Variants in SMARCC1 observed in about 807,000 individuals in gnomAD.
SMARCC1 encodes the protein SWI/SNF complex subunit SMARCC1.
SMARCC1 carries 43 observed loss-of-function variants against 147.4 expected under a neutral mutation model. The ratio of observed to expected loss-of-function variants is 0.29; its 90% CI spans 0.23 to 0.38. The LOEUF is 0.38. SMARCC1 is among the 10% of genes least tolerant of loss of function. The pLI is 1.00. For synonymous variants in SMARCC1, 495 were observed against 484.4 expected, an observed-to-expected ratio of 1.02 and a Z score of -0.29; for missense variants, 1,119 against 1,381.1, an observed-to-expected ratio of 0.81 and a Z score of 3.01.
At chr3:47,685,747 C>G (rs1465285516) in intron 14 of SMARCC1, among the ~76,000 whole-genome samples, 1 of 152,022 alleles carries the variant, frequency 6.6e-6, no homozygotes, top group Non-Finnish European at 1.5e-5. Flanking sequence ...ATCCCAGCTA[C>G]TCAGGAGGCT....
At chr3:47,774,737 T>C (rs914818020) in intron 1 of SMARCC1, among the ~76,000 whole-genome samples, 6 of 151,968 alleles carry the variant, frequency 3.9e-5, no homozygotes, top group Non-Finnish European at 8.8e-5. Context: ...AACTACATAC[T>C]ACTTTCCCCT....
chr3:47,769,210 CAA>C lies in SMARCC1; in HGVS notation c.315+3605_315+3606del, dbSNP rs1553692338. 9.6e-3 allele frequency among the ~76,000 whole-genome samples: 318 copies of C among 33,090 alleles called. 4 individuals carry two copies. Among genetic ancestry groups the C allele is most frequent in the Middle Eastern group, 0.026 (1 of 38 alleles). 21.7% of individuals were successfully genotyped at this position (33,090 alleles called of 152,430 possible). A position where few individuals can be genotyped will look rare whatever the true frequency, so the allele number is the denominator to read the frequency against. On this transcript the variant is annotated intron_variant, in intron 2 of 27. Transcript: ENST00000254480. ...TGGATGACAGAGCGAGACTCCGTCT[CAA>C]AAAAAAAAAAAAAAAAAAAAAGGGC... is the stretch of plus-strand genomic sequence containing the variant.
At chr3:47,601,402 C>G (rs1176303746) in intron 26 of SMARCC1, among the ~76,000 whole-genome samples, 1 of 152,162 alleles carries the variant, frequency 6.6e-6, no homozygotes, top group Non-Finnish European at 1.5e-5. Flanking sequence ...CCATTTCTAA[C>G]TGTCTATAGC....
At chr3:47,745,470 T>C (rs1208226868) in intron 3 of SMARCC1, among the ~76,000 whole-genome samples, 2 of 152,094 alleles carry the variant, frequency 1.3e-5, no homozygotes, top group Admixed American at 6.6e-5. Context: ...CCCAGCACTT[T>C]GGGAGGCTGA....
intron 8 of SMARCC1, among the ~76,000 whole-genome samples, chr3:47,712,124 C>G (rs559429598): frequency 6.6e-6 from 1 of 152,014 alleles, no homozygotes; most frequent in South Asian, 2.1e-4. Context: ...CCCAGCTACT[C>G]GGGAGGCTGA....
intron 18 of SMARCC1, among the ~76,000 whole-genome samples, chr3:47,673,342 C>A (rs537015030): frequency 1.4e-5 from 2 of 143,044 alleles, no homozygotes; most frequent in Non-Finnish European, 3.0e-5. Flanking sequence ...GGGGAGACTG[C>A]GCCACCGCAC....
At chr3:47,711,645 A>G (rs1042764717) in intron 8 of SMARCC1, among the ~76,000 whole-genome samples, 1 of 152,228 alleles carries the variant, frequency 6.6e-6, no homozygotes, top group Non-Finnish European at 1.5e-5. Context: ...AATGACTAGA[A>G]AACAATATGA....
At chr3:47,776,284 T>C (rs1052313190) in intron 1 of SMARCC1, among the ~76,000 whole-genome samples, 9 of 152,198 alleles carry the variant, frequency 5.9e-5, no homozygotes, top group African/African-American at 2.2e-4. Context: ...TGCACTTTTT[T>C]TGTACACGGT....
chr3:47,774,019 ATT>A (rs913066057), intron 1 of SMARCC1, among the ~76,000 whole-genome samples: 3 of 150,392 alleles, frequency 2.0e-5, no homozygotes, highest in African/African-American at 7.3e-5. Flanking sequence ...TTATTTTTTT[ATT>A]TTTTTTTGCC....
Position 47,610,417 on chromosome 3 carries a change from A to G in SMARCC1, c.2782-90T>C. 3 of 1,369,886 alleles carry G rather than the reference A, an allele frequency of 2.2e-6. No homozygotes were observed. In the South Asian group the frequency reaches 3.7e-5, roughly 17 times the overall value. The allele number at this position is 1,369,886 out of a possible 1,614,324, so 84.9% of individuals were successfully genotyped here. On this transcript the variant is annotated intron_variant, in intron 25 of 27. Transcript: ENST00000254480. The stretch of plus-strand genomic sequence containing the variant: ...AGGACAACTACATAATGCCTGAATT[A>G]CCTCTATCCCATCACACTGACATCA...
At chr3:47,676,556 G>T in intron 17 of SMARCC1, 73 bp downstream of exon 17, 1 of 1,063,274 alleles carries the variant, frequency 9.4e-7, no homozygotes, top group Non-Finnish European at 1.4e-6. Context: ...AATAATAATT[G>T]TTTCTAAATA....
intron 10 of SMARCC1, among the ~76,000 whole-genome samples, chr3:47,702,957 T>G (rs1434237294): frequency 6.6e-6 from 1 of 152,126 alleles, no homozygotes; most frequent in Non-Finnish European, 1.5e-5. Flanking sequence ...GAGACAGTCT[T>G]GCTCTGTTGC....
At chr3:47,633,846 C>A (rs1232162225) in intron 24 of SMARCC1, among the ~76,000 whole-genome samples, 2 of 142,446 alleles carry the variant, frequency 1.4e-5, no homozygotes, top group East Asian at 4.2e-4. Flanking sequence ...AGACTATGAC[C>A]ACGATAATCC....
At chr3:47,755,032 G>C (rs1559663812) in intron 2 of SMARCC1, among the ~76,000 whole-genome samples, 1 of 151,986 alleles carries the variant, frequency 6.6e-6, no homozygotes, top group Non-Finnish European at 1.5e-5. Flanking sequence ...GACAGAGCAA[G>C]ACTCTGTCTC....
chr3:47,609,534 T>C (rs1018945401), intron 26 of SMARCC1, among the ~76,000 whole-genome samples: 5 of 151,844 alleles, frequency 3.3e-5, no homozygotes, highest in Admixed American at 2.0e-4. Context: ...TAGAGATACA[T>C]TTGAAGTCTA....
intron 3 of SMARCC1, among the ~76,000 whole-genome samples, chr3:47,742,411 G>C (rs1370641725): frequency 1.3e-5 from 2 of 152,108 alleles, no homozygotes; most frequent in Non-Finnish European, 2.9e-5. Flanking sequence ...TCCTTTGGGA[G>C]ATCCGTTTGG....
At chr3:47,699,350 C>T (rs1370456977) in intron 11 of SMARCC1, among the ~76,000 whole-genome samples, 2 of 152,060 alleles carry the variant, frequency 1.3e-5, no homozygotes, top group East Asian at 3.9e-4. Flanking sequence ...CCTTTAATCC[C>T]TCCATCTGGA....
At chr3:47,780,178 T>TTG (rs1553693507) in intron 1 of SMARCC1, among the ~76,000 whole-genome samples, 16 of 138,382 alleles carry the variant, frequency 1.2e-4, no homozygotes, top group Middle Eastern at 3.5e-3. Flanking sequence ...GTTTTTTTTT[T>TTG]TTTTTTTTTT....
chr3:47,629,784 T>C (rs911703959), intron 24 of SMARCC1, among the ~76,000 whole-genome samples: 92 of 152,114 alleles, frequency 6.0e-4, no homozygotes, highest in African/African-American at 1.0e-3. Context: ...CAATGCGACA[T>C]GGAGCACATT....
Sources: allele counts gnomAD v4.1 joint callset (sites outside exome capture counted in the v4.1 genomes callset), GRCh38; gene constraint gnomAD v4.1.1; transcripts MANE v1.5; gene names NCBI Gene and HGNC (gene_info 2026-07-23, HGNC 2026-07-21).